Variants in FAM193A observed in about 807,000 individuals in gnomAD.
The protein encoded by FAM193A is family with sequence similarity 193 member A.
FAM193A carries 22 observed loss-of-function variants against 126.5 expected under a neutral mutation model. That is an observed-to-expected ratio of 0.17 (90% CI 0.12 to 0.25). FAM193A has a LOEUF of 0.25. FAM193A is among the 10% of genes least tolerant of loss of function. The pLI is 1.00. For synonymous variants in FAM193A, 761 were observed against 646.8 expected (o/e 1.18, Z -2.68); for missense variants, 1,675 against 1,672.8 (o/e 1.00, Z -0.02).
At chr4:2,654,371 C>A (rs999440002) in intron 7 of FAM193A, 4 of 141,154 alleles carry the variant, frequency 2.8e-5, no homozygotes, top group African/African-American at 1.1e-4. Context: ...ACCACCATGC[C>A]TGGCTAATTT....
chr4:2,620,140 G>A (rs918557713), intron 2 of FAM193A, among the ~76,000 whole-genome samples: 2 of 152,054 alleles, frequency 1.3e-5, no homozygotes, highest in South Asian at 2.1e-4. Context: ...GTTAGACTTG[G>A]GTGAAACATG....
At chr4:2,564,415 A>G (rs1738808166) in intron 1 of FAM193A, among the ~76,000 whole-genome samples, 1 of 152,062 alleles carries the variant, frequency 6.6e-6, no homozygotes, top group African/African-American at 2.4e-5. Flanking sequence ...GGTCTAGTGG[A>G]AAAGGCTCTT....
chr4:2,726,044 G>T (rs1263131110), intron 20 of FAM193A, among the ~76,000 whole-genome samples: 18 of 152,058 alleles, frequency 1.2e-4, no homozygotes, highest in Admixed American at 1.2e-3. Flanking sequence ...GACTACAGGC[G>T]CCCGCCACCA....
chr4:2,659,575 A>T lies in FAM193A; in HGVS notation c.1407A>T (p.Ala469=), dbSNP rs747943112. 2.5e-6 allele frequency: 4 copies of T among 1,613,664 alleles called. No individual in the cohort carries two copies. The highest frequency in any genetic ancestry group is 3.4e-6 in the Non-Finnish European group (4 of 1,179,552). Residue 469 remains alanine (A), a synonymous_variant, in exon 9 of 21, where the codon GCA becomes GCT. Transcript: ENST00000637812. ...TCCTCTAGTTAACCAATAAGAAAGC[A>T]GTTACTGGCGAGAACAACTTCACAG... is the stretch of plus-strand genomic sequence containing the variant. ...FIEEQLTNKK[A]VTGENNFTDT...
intron 4 of FAM193A, among the ~76,000 whole-genome samples, chr4:2,628,811 C>T (rs987177001): frequency 2.6e-5 from 4 of 151,636 alleles, no homozygotes; most frequent in Non-Finnish European, 4.4e-5. Context: ...TGTGAGTTAG[C>T]GAATGAGCTT....
At chr4:2,585,598 T>C (rs1740189159) in intron 1 of FAM193A, among the ~76,000 whole-genome samples, 1 of 152,236 alleles carries the variant, frequency 6.6e-6, no homozygotes, top group Admixed American at 6.5e-5. Flanking sequence ...TTTTTGTCAT[T>C]TTTTTCATTT....
intron 1 of FAM193A, among the ~76,000 whole-genome samples, chr4:2,577,585 AT>A (rs1560455772): frequency 6.6e-6 from 1 of 151,654 alleles, no homozygotes; most frequent in East Asian, 1.9e-4. Context: ...CACCCGGCTA[AT>A]TTTTTAATTT....
At position 2,569,541 on chromosome 4, in the gene FAM193A, C is replaced by T. The variant is rs144128569; in HGVS notation, c.256-26543C>T. 1.3e-3 allele frequency among the ~76,000 whole-genome samples: 194 copies of T among 152,192 alleles called. 1 individual carries two copies. Among genetic ancestry groups the T allele is most frequent in the African/African-American group, 4.5e-3 (187 of 41,534 alleles). Reference sequence around the variant, plus strand: ...TTGAGACAGGGTCTTCTCCGTCACCCGGTCCGGAGTGCAGTGGCCGATCAT... The same window carrying T: ...TTGAGACAGGGTCTTCTCCGTCACCTGGTCCGGAGTGCAGTGGCCGATCAT... On this transcript the variant is annotated intron_variant, in intron 1 of 20. Coordinates refer to ENST00000637812, the MANE Select transcript of FAM193A (RefSeq NM_001366318.2).
At chr4:2,664,455 T>TACA (rs1553905145) in intron 12 of FAM193A, among the ~76,000 whole-genome samples, 1 of 152,112 alleles carries the variant, frequency 6.6e-6, no homozygotes, top group Non-Finnish European at 1.5e-5. Flanking sequence ...TGTCTGTCCT[T>TACA]ACACCCATAG....
intron 19 of FAM193A, chr4:2,715,596 C>A: frequency 1.2e-6 from 1 of 837,670 alleles, no homozygotes; most frequent in South Asian, 3.8e-5. Context: ...TTAACATGGG[C>A]CTGTCCCCTG....
At chr4:2,535,880 G>A (rs1341518767), upstream of FAM193A, among the ~76,000 whole-genome samples, 5 of 152,252 alleles carry the variant, frequency 3.3e-5, no homozygotes, top group Non-Finnish European at 5.9e-5. Flanking sequence ...CGACCGGCGT[G>A]TCCCAGCCCC....
intron 2 of FAM193A, among the ~76,000 whole-genome samples, chr4:2,599,906 T>A (rs1008770588): frequency 1.3e-5 from 2 of 151,710 alleles, no homozygotes; most frequent in Non-Finnish European, 2.9e-5. Context: ...TGGCTAATTT[T>A]TTTTTTTTTT....
intron 5 of FAM193A, among the ~76,000 whole-genome samples, chr4:2,637,379 A>C (rs11490068): frequency 0.33 from 50,235 of 152,096 alleles, 9,801 homozygotes; most frequent in Admixed American, 0.53. Context: ...AAAAAATAAA[A>C]TAAAATTGTC....
At chr4:2,576,823 G>A (rs1739614630) in intron 1 of FAM193A, among the ~76,000 whole-genome samples, 1 of 152,190 alleles carries the variant, frequency 6.6e-6, no homozygotes, top group African/African-American at 2.4e-5. Flanking sequence ...TTTATGCTGT[G>A]GTAATAGGCA....
Position 2,657,824 on chromosome 4 carries a change from C to G in FAM193A, c.1333C>G (p.Arg445Gly). The G allele has an allele frequency of 6.2e-7, 1 of 1,611,090 alleles. No homozygotes were observed. The highest frequency in any genetic ancestry group is 8.5e-7 in the Non-Finnish European group (1 of 1,178,848). ...DEQMTMKTKQ[R>G]MLTEDWELFK... Reference sequence around the variant, plus strand: ...CTAGATGACAATGAAAACCAAGCAGCGCATGTTAACAGAAGACTGGGAGCT... The same window carrying G: ...CTAGATGACAATGAAAACCAAGCAGGGCATGTTAACAGAAGACTGGGAGCT... The change falls in exon 8 of 21, where the codon CGC (arginine) becomes GGC (glycine). Residue 445 changes from arginine to glycine, a missense_variant. Physicochemically the swap from Arg to Gly is moderately radical, Grantham distance 125. This residue lies in a region of FAM193A where 1,186 missense variants were observed against 1,109.2 expected (regional missense o/e 1.07). Coordinates refer to ENST00000637812, the MANE Select transcript of FAM193A (RefSeq NM_001366318.2).
chr4:2,542,657 A>G lies in FAM193A; in HGVS notation c.255+5487A>G, dbSNP rs370568686. On this transcript the variant is annotated intron_variant, in intron 1 of 20. Transcript: ENST00000637812. ...CTTGTATGGTGCAAAATGGCACCCA[A>G]AACAGTATCAACCAGAAACAGTGAG... Among the ~76,000 whole-genome samples the G allele has an allele frequency of 2.2e-4, 34 of 152,276 alleles. No individual in the cohort carries two copies. The East Asian group carries it at 3.1e-3, about 14-fold the overall frequency.
chr4:2,560,928 C>T (rs1738573958), intron 1 of FAM193A, among the ~76,000 whole-genome samples: 1 of 152,208 alleles, frequency 6.6e-6, no homozygotes, highest in Non-Finnish European at 1.5e-5. Flanking sequence ...ACTGGGATTA[C>T]AGGCATGAGC....
chr4:2,593,088 C>T (rs1024752822), intron 1 of FAM193A, among the ~76,000 whole-genome samples: 1 of 152,148 alleles, frequency 6.6e-6, no homozygotes, highest in Admixed American at 6.5e-5. Context: ...TGGCCCATGA[C>T]GAAGCTCAGA....
intron 1 of FAM193A, among the ~76,000 whole-genome samples, chr4:2,593,455 G>A (rs865888784): frequency 8.5e-5 from 13 of 152,142 alleles, no homozygotes; most frequent in African/African-American, 2.7e-4. Flanking sequence ...ACTGTCCACC[G>A]GGTTAAAGGG....
Sources: gnomAD v4.1 joint callset for allele counts (sites outside exome capture counted in the v4.1 genomes callset) on GRCh38, gnomAD v4.1.1 for gene constraint, gnomAD v4.1.1 regional missense constraint, MANE v1.5 for transcripts, NCBI Gene and HGNC (gene_info 2026-07-23, HGNC 2026-07-21) for gene names.